SCAMP4: variants seen among roughly 807,000 people sequenced by gnomAD.
The protein encoded by SCAMP4 is secretory carrier-associated membrane protein 4.
SCAMP4 carries 19 observed loss-of-function variants against 32.1 expected under a neutral mutation model. That is an observed-to-expected ratio of 0.59 (90% CI 0.41 to 0.87). SCAMP4 has a LOEUF of 0.87. Among genes scored for constraint, SCAMP4 ranks in the 40% least tolerant of loss-of-function variants. SCAMP4 has a pLI of 0.00. For synonymous variants in SCAMP4, 152 were observed against 132.7 expected (o/e 1.15, Z -1.00); for missense variants, 302 against 309.0 (o/e 0.98, Z 0.17).
chr19:1,912,590 C>T (rs1323278535), intron 1 of SCAMP4: 3 of 1,494,010 alleles, frequency 2.0e-6, no homozygotes, highest in East Asian at 5.6e-5. Flanking sequence ...GGCGGCTCTT[C>T]TCCACGCAGG....
At chr19:1,917,959 G>A in intron 3 of SCAMP4, 137 bp downstream of exon 3, 2 of 1,372,746 alleles carry the variant, frequency 1.5e-6, no homozygotes, top group South Asian at 2.6e-5. Context: ...TCCCTGCGGT[G>A]AACGAGGCTG....
rs981598195 is a variant in SCAMP4, at chr19:1,923,389, G to A, written c.513+202G>A. On this transcript the variant is annotated intron_variant, in intron 6 of 6. Transcript: ENST00000316097. ...ACACTCCCAGGGACCCAGCGCCTGG[G>A]TTCCTATGGGGCCAGTCCTGTGGCC... 6.6e-5 allele frequency among the ~76,000 whole-genome samples: 10 copies of A among 152,124 alleles called. 1 individual carries two copies. Among genetic ancestry groups the A allele is most frequent in the Admixed American group, 3.9e-4 (6 of 15,274 alleles).
intron 5 of SCAMP4, chr19:1,920,833 C>G (rs1188507159): frequency 3.0e-6 from 3 of 985,384 alleles, no homozygotes; most frequent in Non-Finnish European, 1.2e-6. Flanking sequence ...GTTGGGTGGT[C>G]CTGAGATCCC....
Sources: allele counts gnomAD v4.1 joint callset (sites outside exome capture counted in the v4.1 genomes callset), GRCh38; gene constraint gnomAD v4.1.1; transcripts MANE v1.5; gene names NCBI Gene and HGNC (gene_info 2026-07-23, HGNC 2026-07-21).